GASK1A: variants seen among roughly 807,000 people sequenced by gnomAD.
The protein encoded by GASK1A is Golgi-associated kinase 1A.
GASK1A carries 40 observed loss-of-function variants against 41.2 expected under a neutral mutation model. The observed-to-expected ratio is 0.97, with a 90% CI of 0.75 to 1.27. The LOEUF is 1.27. Among genes scored for constraint, GASK1A ranks in the 50% most tolerant of loss-of-function variants. The pLI, the probability that GASK1A is intolerant of heterozygous loss-of-function variation, is 0.00. For missense variants in GASK1A, 678 were observed against 745.1 expected (o/e 0.91, Z 1.05); for synonymous variants, 316 against 307.1 (o/e 1.03, Z -0.30).
At position 43,008,665 on chromosome 3, in the gene GASK1A, A is replaced by G. The variant is rs886372054; in HGVS notation, c.4-23602A>G. Reference sequence around the variant, plus strand: ...CCTGCTGCCAGGCATCTGCCCAGGAATGCTTTCGCCCTCACCAGGACTCTA... The same window carrying G: ...CCTGCTGCCAGGCATCTGCCCAGGAGTGCTTTCGCCCTCACCAGGACTCTA... On this transcript the variant is annotated intron_variant, in intron 1 of 4. Coordinates refer to ENST00000430121, the MANE Select transcript of GASK1A (RefSeq NM_001129908.3). Among the ~76,000 whole-genome samples the G allele has an allele frequency of 2.0e-5, 3 of 152,338 alleles. No individual in the cohort carries two copies. In the South Asian group the frequency reaches 6.2e-4, roughly 32 times the overall value.
chr3:43,005,788 T>G (rs1435278075), intron 1 of GASK1A, among the ~76,000 whole-genome samples: 1 of 152,214 alleles, frequency 6.6e-6, no homozygotes, highest in East Asian at 1.9e-4. Flanking sequence ...TCATGCTAGT[T>G]TTGCTGCTGC....
At chr3:43,051,989 G>A (rs1265905495) in intron 2 of GASK1A, among the ~76,000 whole-genome samples, 1 of 152,098 alleles carries the variant, frequency 6.6e-6, no homozygotes, top group African/African-American at 2.4e-5. Context: ...GCTCTTTTAG[G>A]AACTTAGTAC....
In GASK1A at chr3:43,028,007, G is replaced by C. The variant is rs118027342; in HGVS notation, c.4-4260G>C. On this transcript the variant is annotated intron_variant, in intron 1 of 4. Coordinates refer to ENST00000430121, the MANE Select transcript of GASK1A (RefSeq NM_001129908.3). ...AAAGGAAGGACAACTGGAAGCAGGG[G>C]TTCCTGGGTCATAGGTAGATTCAAA... Among the ~76,000 whole-genome samples, 123 of 152,334 alleles carry C rather than the reference G, an allele frequency of 8.1e-4. 2 individuals carry two copies. In the East Asian group the frequency reaches 0.021, roughly 26 times the overall value.
intron 1 of GASK1A, among the ~76,000 whole-genome samples, chr3:42,990,353 A>G (rs1391889646): frequency 6.6e-6 from 1 of 151,182 alleles, no homozygotes; most frequent in Non-Finnish European, 1.5e-5. Flanking sequence ...CCGTCTCAAA[A>G]AAAAAAAAAA....
intron 1 of GASK1A, among the ~76,000 whole-genome samples, chr3:43,025,646 T>C (rs10212191): frequency 0.35 from 52,918 of 152,062 alleles, 9,845 homozygotes; most frequent in Non-Finnish European, 0.43. Context: ...TGAATAAATC[T>C]TGTGGAAGTG....
chr3:43,000,137 G>A (rs2089401461), intron 1 of GASK1A, among the ~76,000 whole-genome samples: 1 of 152,184 alleles, frequency 6.6e-6, no homozygotes, highest in Non-Finnish European at 1.5e-5. Flanking sequence ...TACAGGGGTT[G>A]TCCAGGCTCT....
In GASK1A at chr3:43,057,414, C is replaced by G. The variant is rs1484912665; in HGVS notation, c.*1028C>G. 1.3e-5 allele frequency: 2 copies of G among 152,046 alleles called. No individual in the cohort carries two copies. Among genetic ancestry groups the G allele is most frequent in the African/African-American group, 4.8e-5 (2 of 41,398 alleles). 9.4% of individuals were successfully genotyped at this position (152,046 alleles called of 1,614,324 possible). A position where few individuals can be genotyped will look rare whatever the true frequency, so the allele number is the denominator to read the frequency against. On this transcript the variant is annotated 3_prime_UTR_variant, in exon 5 of 5. Coordinates refer to ENST00000430121, the MANE Select transcript of GASK1A (RefSeq NM_001129908.3). ...TGGTGGTGTCAATTTACATTTCTCC[C>G]AAGAGGGTAGGAGACTGATTATTTT...
intron 1 of GASK1A, among the ~76,000 whole-genome samples, chr3:43,001,845 C>T (rs926162502): frequency 6.6e-6 from 1 of 152,136 alleles, no homozygotes; most frequent in Non-Finnish European, 1.5e-5. Context: ...GTCCTTGCCT[C>T]ACCCCTTCCC....
chr3:43,000,869 G>C (rs192762917), intron 1 of GASK1A, among the ~76,000 whole-genome samples: 1 of 152,310 alleles, frequency 6.6e-6, no homozygotes, highest in African/African-American at 2.4e-5. Context: ...TCTGTTGCTT[G>C]CTAGTTTTGT....
At chr3:43,018,487 C>T (rs961588740) in intron 1 of GASK1A, among the ~76,000 whole-genome samples, 1 of 152,088 alleles carries the variant, frequency 6.6e-6, no homozygotes, top group Non-Finnish European at 1.5e-5. Context: ...TAGAACCTGC[C>T]TGTTTTAGCC....
At chr3:43,035,889 A>C (rs776548338) in intron 2 of GASK1A, among the ~76,000 whole-genome samples, 1 of 152,248 alleles carries the variant, frequency 6.6e-6, no homozygotes, top group Non-Finnish European at 1.5e-5. Flanking sequence ...CCAAGGTGGC[A>C]GCTTGTGGGC....
intron 1 of GASK1A, among the ~76,000 whole-genome samples, chr3:43,016,152 T>A (rs1183232551): frequency 7.7e-6 from 1 of 129,996 alleles, no homozygotes; most frequent in Admixed American, 7.6e-5. Flanking sequence ...TCACAGGAAG[T>A]GGCTGTGTGA....
rs1250559423 is a variant in GASK1A at position 42,984,103 on chromosome 3, TG to T, written c.3+4459del. On this transcript the variant is annotated intron_variant, in intron 1 of 4. Transcript: ENST00000430121. The surrounding 1 kb of genome is among the most constrained non-coding windows in gnomAD (Gnocchi z 4.2). The stretch of plus-strand genomic sequence containing the variant: ...GCTGTGAGTCACCTGGGGCTGTCTT[TG>T]CTTGGATCATCTTGTGATGTGACTG... 6.6e-6 allele frequency among the ~76,000 whole-genome samples: 1 copy of T among 152,064 alleles called. No individual in the cohort carries two copies. Among genetic ancestry groups the T allele is most frequent in the East Asian group, 1.9e-4 (1 of 5,170 alleles).
chr3:42,987,953 T>G (rs2089320780), intron 1 of GASK1A, among the ~76,000 whole-genome samples: 1 of 130,038 alleles, frequency 7.7e-6, no homozygotes, highest in Non-Finnish European at 1.5e-5. Flanking sequence ...GAGCTGAGAT[T>G]GAGCCACTGC....
intron 1 of GASK1A, among the ~76,000 whole-genome samples, chr3:43,008,652 C>G (rs576025273): frequency 1.3e-5 from 2 of 152,356 alleles, no homozygotes; most frequent in East Asian, 3.9e-4. Flanking sequence ...TGCTGCCAGG[C>G]ATCTGCCCAG....
intron 2 of GASK1A, among the ~76,000 whole-genome samples, chr3:43,044,387 G>C (rs573394415): frequency 1.3e-5 from 2 of 152,146 alleles, no homozygotes; most frequent in East Asian, 1.9e-4. Flanking sequence ...CTGGGTGAGT[G>C]GGGGGTGAGG....
chr3:43,056,318 C>G lies in GASK1A; in HGVS notation c.1660C>G (p.Arg554Gly). 1 of 1,551,566 alleles carries G rather than the reference C, an allele frequency of 6.4e-7. No individual in the cohort carries two copies. Among genetic ancestry groups the G allele is most frequent in the Non-Finnish European group, 8.7e-7 (1 of 1,146,982 alleles). The change falls in exon 5 of 5, where the codon CGA becomes GGA. Residue 554 changes from arginine (R) to glycine (G), a missense_variant. By Grantham distance (125) the Arg-to-Gly change is moderately radical. Transcript: ENST00000430121. ...GCAGGTCCTCCAGACCCTGGAGCAG[C>G]GAGGACAGGTGCTGCTGGGACACAT... ...LKQVLQTLEQ[R>G]GQVLLGHIQK...
intron 2 of GASK1A, among the ~76,000 whole-genome samples, chr3:43,053,209 G>A (rs1194752649): frequency 6.6e-6 from 1 of 152,246 alleles, no homozygotes; most frequent in Non-Finnish European, 1.5e-5. Context: ...CAGGCAGACG[G>A]TCAGCATTCA....
In GASK1A at chr3:42,984,338, C is replaced by T. The variant is rs970884151; in HGVS notation, c.3+4693C>T. Among the ~76,000 whole-genome samples, 16 of 152,154 alleles carry T rather than the reference C, an allele frequency of 1.1e-4. No individual in the cohort carries two copies. The South Asian group carries it at 1.5e-3, about 14-fold the overall frequency. The stretch of plus-strand genomic sequence containing the variant: ...TTTCTCTCTCTCTCACACACACACA[C>T]GCTGACTTTCACACATCACACATAT... On this transcript the variant is annotated intron_variant, in intron 1 of 4. Transcript: ENST00000430121. The surrounding 1 kb of genome is among the most constrained non-coding windows in gnomAD (Gnocchi z 4.2).
Sources: gnomAD v4.1 joint callset for allele counts (sites outside exome capture counted in the v4.1 genomes callset) on GRCh38, gnomAD v4.1.1 for gene constraint, Gnocchi (gnomAD v3.1) non-coding constraint, MANE v1.5 for transcripts, NCBI Gene and HGNC (gene_info 2026-07-23, HGNC 2026-07-21) for gene names.